PDCD1LG2: variants seen among roughly 807,000 people sequenced by gnomAD.
The protein encoded by PDCD1LG2 is programmed cell death 1 ligand 2, also known as B7 dendritic cell molecule.
A neutral mutation model predicts 28.2 loss-of-function variants in PDCD1LG2; 32 were observed. The ratio of observed to expected loss-of-function variants is 1.13; its 90% CI spans 0.86 to 1.52. The LOEUF (loss-of-function observed/expected upper bound fraction) is 1.52, where lower values mean the gene tolerates loss of function less well. Among genes scored for constraint, PDCD1LG2 ranks in the 40% most tolerant of loss-of-function variants. PDCD1LG2 has a pLI of 0.00. For missense variants in PDCD1LG2, 385 were observed against 323.8 expected (o/e 1.19, Z -1.45); for synonymous variants, 116 against 120.2 (o/e 0.97, Z 0.23).
chr9:5,551,856 C>A (rs1357038581), intron 4 of PDCD1LG2, among the ~76,000 whole-genome samples: 1 of 152,178 alleles, frequency 6.6e-6, no homozygotes, highest in Admixed American at 6.5e-5. Context: ...TGCCACTGAG[C>A]CTTCCAGCTG....
chr9:5,526,521 T>C (rs1278251035), intron 2 of PDCD1LG2, among the ~76,000 whole-genome samples: 1 of 152,150 alleles, frequency 6.6e-6, no homozygotes, highest in Non-Finnish European at 1.5e-5. Flanking sequence ...CACTGCAGCC[T>C]CCAACTCCCA....
At chr9:5,533,700 T>C (rs1337260252) in intron 2 of PDCD1LG2, among the ~76,000 whole-genome samples, 1 of 152,110 alleles carries the variant, frequency 6.6e-6, no homozygotes, top group Non-Finnish European at 1.5e-5. Context: ...TCTAGTGGCG[T>C]GTCCCTCACA....
At chr9:5,514,029 T>C (rs924074096) in intron 1 of PDCD1LG2, among the ~76,000 whole-genome samples, 10 of 152,196 alleles carry the variant, frequency 6.6e-5, no homozygotes, top group Non-Finnish European at 1.2e-4. Context: ...TACTAGACAC[T>C]GGGAGAGGGA....
At chr9:5,517,184 C>T (rs563628386) in intron 1 of PDCD1LG2, among the ~76,000 whole-genome samples, 1 of 152,318 alleles carries the variant, frequency 6.6e-6, no homozygotes, top group Admixed American at 6.5e-5. Flanking sequence ...GTTGGGAATG[C>T]TGGGGTAGGG....
At chr9:5,553,458 G>A (rs1344207855) in intron 4 of PDCD1LG2, among the ~76,000 whole-genome samples, 1 of 152,196 alleles carries the variant, frequency 6.6e-6, no homozygotes, top group African/African-American at 2.4e-5. Flanking sequence ...TGGATGAATT[G>A]TAGTTTTCTA....
intron 1 of PDCD1LG2, among the ~76,000 whole-genome samples, chr9:5,522,259 T>C (rs539441622): frequency 6.6e-6 from 1 of 152,212 alleles, no homozygotes; most frequent in South Asian, 2.1e-4. Context: ...CCAATATGTG[T>C]GGTTCACAAG....
At chr9:5,530,170 C>T (rs1820455197) in intron 2 of PDCD1LG2, among the ~76,000 whole-genome samples, 1 of 152,128 alleles carries the variant, frequency 6.6e-6, no homozygotes, top group Non-Finnish European at 1.5e-5. Context: ...TGCTTCATTG[C>T]AATAAAATGC....
intron 1 of PDCD1LG2, among the ~76,000 whole-genome samples, chr9:5,518,631 T>C (rs886538946): frequency 1.3e-5 from 2 of 152,244 alleles, no homozygotes; most frequent in Non-Finnish European, 2.9e-5. Flanking sequence ...AGTTGTTACC[T>C]GCTGTAAGAT....
chr9:5,550,699 C>T (rs1157501471), intron 4 of PDCD1LG2, among the ~76,000 whole-genome samples: 6 of 140,884 alleles, frequency 4.3e-5, no homozygotes, highest in African/African-American at 1.7e-4. Flanking sequence ...CTCTCTCTCT[C>T]TTTTTTTTTT....
intron 1 of PDCD1LG2, among the ~76,000 whole-genome samples, chr9:5,517,047 G>A (rs923383164): frequency 2.0e-5 from 3 of 152,306 alleles, no homozygotes; most frequent in Middle Eastern, 3.4e-3. Flanking sequence ...TGCTCTAAAC[G>A]GGCAGCTGCT....
Position 5,549,679 on chromosome 9 carries a change from T to C in PDCD1LG2, c.631+75T>C, listed in dbSNP as rs546025690. 8 of 1,546,310 alleles carry C rather than the reference T, an allele frequency of 5.2e-6. No individual in the cohort carries two copies. The South Asian group carries it at 9.5e-5, about 18-fold the overall frequency. On this transcript the variant is annotated intron_variant, in intron 4 of 6. Coordinates refer to ENST00000397747, the MANE Select transcript of PDCD1LG2 (RefSeq NM_025239.4). ...AAACAGATGGCATACTCGAGTGATT[T>C]GAGGAGAGTGTAATAAAGGGACTGT...
intron 5 of PDCD1LG2, among the ~76,000 whole-genome samples, chr9:5,561,356 A>C (rs547928696): frequency 2.0e-5 from 3 of 152,312 alleles, no homozygotes; most frequent in Admixed American, 2.0e-4. Flanking sequence ...AATTTCACAA[A>C]AATTGCTTGT....
chr9:5,564,500 G>A (rs964872642), intron 6 of PDCD1LG2, among the ~76,000 whole-genome samples: 7 of 152,164 alleles, frequency 4.6e-5, no homozygotes, highest in Admixed American at 3.3e-4. Context: ...AGGTAGGTTT[G>A]ACTTATCTAA....
rs1467276614 is a variant in PDCD1LG2, at chr9:5,570,678, T to A, written c.*719T>A. On this transcript the variant is annotated 3_prime_UTR_variant, in exon 7 of 7. Transcript: ENST00000397747. ...TGAACTACATCTTTCCTTTAAAAAT[T>A]ATTGGTTTCTTTTTATTTGTTTTTA... The A allele has an allele frequency of 4.3e-6, 1 of 232,152 alleles. No homozygotes were observed. Among genetic ancestry groups the A allele is most frequent in the Non-Finnish European group, 8.5e-6 (1 of 117,466 alleles). 14.4% of individuals were successfully genotyped at this position (232,152 alleles called of 1,614,324 possible).
chr9:5,529,085 C>A (rs1308327470), intron 2 of PDCD1LG2, among the ~76,000 whole-genome samples: 2 of 152,184 alleles, frequency 1.3e-5, no homozygotes, highest in African/African-American at 4.8e-5. Flanking sequence ...TTCAAATATT[C>A]TTTTGAAGTC....
intron 6 of PDCD1LG2, among the ~76,000 whole-genome samples, chr9:5,566,535 CTGGCA>C (rs2129961128): frequency 6.6e-6 from 1 of 152,342 alleles, no homozygotes; most frequent in East Asian, 1.9e-4. Flanking sequence ...CTTTATCCAT[CTGGCA>C]TGGTAACCAG....
At chr9:5,537,138 G>C (rs1820594945) in intron 3 of PDCD1LG2, among the ~76,000 whole-genome samples, 4 of 152,186 alleles carry the variant, frequency 2.6e-5, no homozygotes, top group Admixed American at 2.6e-4. Flanking sequence ...TCAAAAATGA[G>C]TAATTTTTGC....
At chr9:5,542,243 G>A (rs943421939) in intron 3 of PDCD1LG2, among the ~76,000 whole-genome samples, 5 of 152,078 alleles carry the variant, frequency 3.3e-5, no homozygotes, top group South Asian at 2.1e-4. Context: ...AGATAACATC[G>A]AAAAAGCCCT....
intron 3 of PDCD1LG2, among the ~76,000 whole-genome samples, chr9:5,540,595 G>A (rs146337554): frequency 2.0e-5 from 3 of 152,120 alleles, no homozygotes; most frequent in Non-Finnish European, 4.4e-5. Context: ...ACCTTTACAC[G>A]TACAAACTAG....
Sources: allele counts gnomAD v4.1 joint callset (sites outside exome capture counted in the v4.1 genomes callset), GRCh38; gene constraint gnomAD v4.1.1; transcripts MANE v1.5; gene names NCBI Gene and HGNC (gene_info 2026-07-23, HGNC 2026-07-21).